MTOR: variants seen among roughly 807,000 people sequenced by gnomAD.
MTOR encodes mechanistic target of rapamycin kinase, also known as serine/threonine-protein kinase mTOR.
MTOR carries 70 observed loss-of-function variants against 319.8 expected under a neutral mutation model. The ratio of observed to expected loss-of-function variants is 0.22; its 90% CI spans 0.18 to 0.27. The LOEUF (loss-of-function observed/expected upper bound fraction) is 0.27, where lower values mean the gene tolerates loss of function less well. Ranked by LOEUF, MTOR falls within the 10% of genes least tolerant of loss-of-function variation. The pLI is 1.00. For missense variants in MTOR, 1,890 were observed against 3,274.4 expected (o/e 0.58, Z 10.32); for synonymous variants, 1,183 against 1,211.4 (o/e 0.98, Z 0.49).
chr1:11,162,622 C>A (rs577019902), intron 29 of MTOR, among the ~76,000 whole-genome samples: 100 of 152,268 alleles, frequency 6.6e-4, no homozygotes, highest in African/African-American at 2.3e-3. Context: ...AGAGTGGGGG[C>A]CAATATTCAA....
chr1:11,140,536 T>TG (rs1643648366), intron 34 of MTOR, among the ~76,000 whole-genome samples: 1 of 152,166 alleles, frequency 6.6e-6, no homozygotes, highest in Non-Finnish European at 1.5e-5. Context: ...GCCCCGGGTC[T>TG]GGGGACCCCT....
chr1:11,245,248 T>TA (rs1648662098), intron 8 of MTOR, among the ~76,000 whole-genome samples: 1 of 152,210 alleles, frequency 6.6e-6, no homozygotes, highest in Non-Finnish European at 1.5e-5. Context: ...ATTTCCTGAT[T>TA]CTTGCTTCTT....
chr1:11,186,187 G>T (rs1645317248), intron 28 of MTOR, among the ~76,000 whole-genome samples: 1 of 151,468 alleles, frequency 6.6e-6, no homozygotes, highest in African/African-American at 2.4e-5. Context: ...ATTCCTTTGA[G>T]ATACACAATT....
intron 31 of MTOR, among the ~76,000 whole-genome samples, chr1:11,148,988 A>G (rs902597244): frequency 9.2e-5 from 14 of 151,736 alleles, no homozygotes; most frequent in African/African-American, 3.4e-4. Context: ...CTGATTTCAA[A>G]CTCCCAGGCT....
intron 28 of MTOR, among the ~76,000 whole-genome samples, chr1:11,175,185 G>A (rs1282798098): frequency 6.6e-6 from 1 of 152,160 alleles, no homozygotes; most frequent in African/African-American, 2.4e-5. Flanking sequence ...TTGTGAATCT[G>A]TAGAACAAAC....
intron 13 of MTOR, among the ~76,000 whole-genome samples, chr1:11,234,505 C>T (rs1647130532): frequency 6.6e-6 from 1 of 152,186 alleles, no homozygotes; most frequent in Non-Finnish European, 1.5e-5. Flanking sequence ...TTTATCACAG[C>T]ACTCCAATGT....
chr1:11,165,782 G>A (rs1044059764), intron 29 of MTOR, among the ~76,000 whole-genome samples: 87 of 152,102 alleles, frequency 5.7e-4, no homozygotes, highest in African/African-American at 1.9e-3. Flanking sequence ...AGCCCGCATC[G>A]CCAAGACAAT....
At chr1:11,136,069 G>A (rs547177948) in intron 36 of MTOR, among the ~76,000 whole-genome samples, 1 of 152,030 alleles carries the variant, frequency 6.6e-6, no homozygotes, top group Non-Finnish European at 1.5e-5. Flanking sequence ...TGGAGGCAGA[G>A]GTTGCAGTGA....
intron 28 of MTOR, 74 bp from the exon 29 acceptor site, chr1:11,167,591 C>A: frequency 1.8e-6 from 2 of 1,133,402 alleles, no homozygotes; most frequent in South Asian, 1.2e-5. Context: ...CATTTGTGGG[C>A]AGATGGTTCA....
chr1:11,213,599 C>T (rs1018633086), intron 20 of MTOR, 33 bp from the exon 21 acceptor site: 2 of 1,604,440 alleles, frequency 1.2e-6, no homozygotes, highest in Non-Finnish European at 1.7e-6. Flanking sequence ...GGAGCTGAGT[C>T]AGGTCCCTTT....
chr1:11,218,584 A>G (rs1488689637), intron 19 of MTOR, among the ~76,000 whole-genome samples: 1 of 152,144 alleles, frequency 6.6e-6, no homozygotes, highest in East Asian at 1.9e-4. Context: ...GTCAGAGAAA[A>G]CTGAGAGACA....
chr1:11,162,757 C>A (rs1349907672), intron 29 of MTOR, among the ~76,000 whole-genome samples: 2 of 152,128 alleles, frequency 1.3e-5, no homozygotes, highest in Non-Finnish European at 2.9e-5. Flanking sequence ...CACCACCAGG[C>A]CTGCCTTACA....
intron 37 of MTOR, 72 bp downstream of exon 37, chr1:11,134,278 TC>T: frequency 7.2e-7 from 1 of 1,383,888 alleles, no homozygotes; most frequent in South Asian, 1.2e-5. Context: ...AGCCTTGAAC[TC>T]CTCCTTGCTG....
chr1:11,145,661 G>A (rs1433278109), intron 32 of MTOR, among the ~76,000 whole-genome samples: 6 of 151,864 alleles, frequency 4.0e-5, no homozygotes, highest in African/African-American at 1.2e-4. Context: ...CCGCCACCAC[G>A]CCCAGCTAAT....
Position 11,109,397 on chromosome 1 carries a change from T to A in MTOR, c.7448-27A>T, listed in dbSNP as rs1360991981. On this transcript the variant is annotated intron_variant, in intron 55 of 57. Transcript: ENST00000361445. This position sits in a 1 kb window ranked among gnomAD's most constrained non-coding sequence, Gnocchi z 4.0. ...TGGAATACACAAAAGTAGAAATAAC[T>A]GTAAGAATGGGAGCAATACAACAGG... is the stretch of plus-strand genomic sequence containing the variant. The A allele has an allele frequency of 6.2e-7, 1 of 1,604,360 alleles. No individual in the cohort carries two copies. The highest frequency in any genetic ancestry group is 1.3e-5 in the African/African-American group (1 of 74,656).
chr1:11,175,230 C>T (rs1205669815), intron 28 of MTOR, among the ~76,000 whole-genome samples: 3 of 152,118 alleles, frequency 2.0e-5, no homozygotes, highest in Non-Finnish European at 4.4e-5. Flanking sequence ...AATCCAGAGC[C>T]CACAAACTGA....
At chr1:11,132,935 C>T in intron 38 of MTOR, 145 bp downstream of exon 38, 1 of 668,756 alleles carries the variant, frequency 1.5e-6, no homozygotes, top group South Asian at 1.9e-5. Flanking sequence ...CTCCCTGGGC[C>T]TCTTATAGAT....
chr1:11,189,834 G>A, intron 28 of MTOR: 1 of 1,614,208 alleles, frequency 6.2e-7, no homozygotes, highest in Non-Finnish European at 8.5e-7. Context: ...TGGAGCTGGA[G>A]AGCAACAGCA....
chr1:11,250,986 G>A (rs139184046), intron 6 of MTOR, among the ~76,000 whole-genome samples: 164 of 152,262 alleles, frequency 1.1e-3, no homozygotes, highest in Admixed American at 1.9e-3. Flanking sequence ...CCCCCACTAA[G>A]ACCATGGCAA....
Sources: gnomAD v4.1 joint callset for allele counts (sites outside exome capture counted in the v4.1 genomes callset) on GRCh38, gnomAD v4.1.1 for gene constraint, Gnocchi (gnomAD v3.1) non-coding constraint, MANE v1.5 for transcripts, NCBI Gene and HGNC (gene_info 2026-07-23, HGNC 2026-07-21) for gene names.